CTNNA3: variants seen among roughly 807,000 people sequenced by gnomAD.
CTNNA3 encodes the protein catenin alpha 3.
CTNNA3 carries 76 observed loss-of-function variants against 95.7 expected under a neutral mutation model. That is an observed-to-expected ratio of 0.79 (90% CI 0.66 to 0.96). The LOEUF (loss-of-function observed/expected upper bound fraction) is 0.96. CTNNA3 is among the 40% of genes least tolerant of loss of function. CTNNA3 has a pLI of 0.00. For synonymous variants in CTNNA3, 431 were observed against 374.4 expected (o/e 1.15, Z -1.74); for missense variants, 1,191 against 1,089.8 (o/e 1.09, Z -1.31).
intron 5 of CTNNA3, among the ~76,000 whole-genome samples, chr10:67,383,664 T>TA (rs5785824): frequency 0.69 from 105,566 of 152,088 alleles, 41,379 homozygotes; most frequent in Non-Finnish European, 0.88. Context: ...AGAGCTATGC[T>TA]AGGCATATCT....
intron 7 of CTNNA3, among the ~76,000 whole-genome samples, chr10:67,029,365 G>A (rs780181058): frequency 7.2e-5 from 11 of 152,260 alleles, no homozygotes; most frequent in South Asian, 2.1e-4. Flanking sequence ...TTTGGAGCTG[G>A]TTCAGAGCAG....
At chr10:66,978,552 A>AAAAATATATATATATATATATAT in intron 7 of CTNNA3, among the ~76,000 whole-genome samples, 2 of 37,882 alleles carry the variant, frequency 5.3e-5, no homozygotes, top group African/African-American at 1.7e-4. Flanking sequence ...AAAAAAAAAA[A>AAAAATATATATATATATATATAT]ATATATATAT....
intron 7 of CTNNA3, among the ~76,000 whole-genome samples, chr10:67,148,101 T>C (rs1325743964): frequency 6.6e-6 from 1 of 152,168 alleles, no homozygotes; most frequent in African/African-American, 2.4e-5. Flanking sequence ...TTCCATTAAT[T>C]ATCACTTGCT....
At chr10:67,692,270 T>C (rs1413693321) in intron 1 of CTNNA3, among the ~76,000 whole-genome samples, 2 of 147,294 alleles carry the variant, frequency 1.4e-5, no homozygotes, top group Non-Finnish European at 3.0e-5. Flanking sequence ...CGGGCCATGA[T>C]GACAATGGCG....
intron 7 of CTNNA3, among the ~76,000 whole-genome samples, chr10:66,809,210 G>A (rs1180565284): frequency 1.5e-4 from 23 of 152,052 alleles, no homozygotes; most frequent in Middle Eastern, 3.2e-3. Flanking sequence ...AACAAAAGCA[G>A]GCAATTTGAC....
In CTNNA3 at chr10:66,103,198, G is replaced by T; in HGVS notation, c.1936C>A (p.Arg646Ser). 4.3e-6 allele frequency: 7 copies of T among 1,614,052 alleles called. No homozygotes were observed. The highest frequency in any genetic ancestry group is 5.9e-6 in the Non-Finnish European group (7 of 1,179,972). The change falls in exon 14 of 18, where the codon CGC (arginine) becomes AGC (serine). Residue 646 changes from arginine to serine, a missense_variant. By Grantham distance (110) the Arg-to-Ser change is moderately radical. Transcript: ENST00000433211. ...VSDLEEEHEV[R>S]SHTSIQTEGK... Reference sequence around the variant, plus strand: ...TCGGTCTGAATGCTGGTGTGACTGCGGACCTCGTGTTCCTCTTCAAGGTCA... The same window carrying T: ...TCGGTCTGAATGCTGGTGTGACTGCTGACCTCGTGTTCCTCTTCAAGGTCA...
At chr10:67,335,086 G>A (rs900900920) in intron 5 of CTNNA3, among the ~76,000 whole-genome samples, 1 of 152,030 alleles carries the variant, frequency 6.6e-6, no homozygotes, top group African/African-American at 2.4e-5. Context: ...CTGCCAGCCA[G>A]AGCCACTGTC....
intron 1 of CTNNA3, chr10:67,750,368 AAAG>A: frequency 6.7e-7 from 1 of 1,501,866 alleles, no homozygotes. Flanking sequence ...CGGCAAAGTG[AAAG>A]AAGTGGTGAA....
At chr10:67,587,459 T>C (rs1054249022) in intron 3 of CTNNA3, among the ~76,000 whole-genome samples, 1 of 152,086 alleles carries the variant, frequency 6.6e-6, no homozygotes, top group African/African-American at 2.4e-5. Flanking sequence ...TTCTCCTTCA[T>C]TTATGAGGGT....
At position 67,219,678 on chromosome 10, in the gene CTNNA3, C is replaced by T. The variant is rs1485287209; in HGVS notation, c.772G>A (p.Gly258Arg). 1.4e-5 allele frequency: 23 copies of T among 1,614,128 alleles called. No individual in the cohort carries two copies. The highest frequency in any genetic ancestry group is 1.9e-5 in the Non-Finnish European group (22 of 1,180,026). ...ALNVISNASQ[G>R]IQNMTTPPEP... Reference sequence around the variant, plus strand: ...GGTGGGGTTGTCATATTCTGGATCCCTTGTGAAGCATTTGAAATTACATTG... The same window carrying T: ...GGTGGGGTTGTCATATTCTGGATCCTTTGTGAAGCATTTGAAATTACATTG... The change falls in exon 6 of 18, where the codon GGG (glycine) becomes AGG (arginine). Residue 258 changes from glycine (G) to arginine (R), a missense_variant. Physicochemically the swap from Gly to Arg is moderately radical, Grantham distance 125. Transcript: ENST00000433211.
intron 7 of CTNNA3, chr10:67,055,101 G>T (rs1855344083): frequency 6.6e-6 from 1 of 152,056 alleles, no homozygotes; most frequent in Non-Finnish European, 1.5e-5. Context: ...ACATATTTTA[G>T]AGTCAGCACA....
intron 10 of CTNNA3, among the ~76,000 whole-genome samples, chr10:66,522,571 GCAT>G (rs1275136607): frequency 5.3e-5 from 8 of 151,936 alleles, no homozygotes; most frequent in African/African-American, 1.9e-4. Flanking sequence ...GGACATGTTT[GCAT>G]CCCCTTCTGC....
intron 7 of CTNNA3, among the ~76,000 whole-genome samples, chr10:66,997,787 TC>T (rs1851437688): frequency 6.6e-6 from 1 of 152,148 alleles, no homozygotes; most frequent in Admixed American, 6.6e-5. Context: ...TGTTGCTATT[TC>T]CTATTCTCTT....
chr10:66,914,130 C>CTTTTTT (rs3056545), intron 7 of CTNNA3, among the ~76,000 whole-genome samples: 2 of 120,266 alleles, frequency 1.7e-5, no homozygotes, highest in Non-Finnish European at 3.4e-5. Flanking sequence ...AGGGTGCCTT[C>CTTTTTT]TTTTTTTTTT....
intron 9 of CTNNA3, among the ~76,000 whole-genome samples, chr10:66,639,427 T>C (rs946971286): frequency 6.6e-6 from 1 of 152,112 alleles, no homozygotes; most frequent in African/African-American, 2.4e-5. Flanking sequence ...AGCAGTATGA[T>C]TTGAAAAAAG....
chr10:67,380,726 G>A (rs74144406), intron 5 of CTNNA3, among the ~76,000 whole-genome samples: 1,778 of 152,280 alleles, frequency 0.012, 31 homozygotes, highest in African/African-American at 0.039. Flanking sequence ...GTTTCATGAA[G>A]AAGTGGAGGC....
intron 7 of CTNNA3, among the ~76,000 whole-genome samples, chr10:67,025,069 C>T (rs1291142981): frequency 7.1e-6 from 1 of 141,366 alleles, no homozygotes; most frequent in Non-Finnish European, 1.5e-5. Flanking sequence ...GCGGAGGTTG[C>T]GGTGAGCCGA....
intron 5 of CTNNA3, among the ~76,000 whole-genome samples, chr10:67,333,947 T>A (rs1841890338): frequency 6.6e-6 from 1 of 152,188 alleles, no homozygotes; most frequent in African/African-American, 2.4e-5. Flanking sequence ...AAGTCTTCCA[T>A]AAGGACATTG....
intron 13 of CTNNA3, among the ~76,000 whole-genome samples, chr10:66,174,766 T>G (rs1431632566): frequency 6.6e-6 from 1 of 152,128 alleles, no homozygotes; most frequent in East Asian, 1.9e-4. Flanking sequence ...CCATGTATAC[T>G]GAGGGACAAA....
Sources: gnomAD v4.1 joint callset for allele counts (sites outside exome capture counted in the v4.1 genomes callset) on GRCh38, gnomAD v4.1.1 for gene constraint, MANE v1.5 for transcripts, NCBI Gene and HGNC (gene_info 2026-07-23, HGNC 2026-07-21) for gene names.